The following STK3 variants were observed in gnomAD, a reference collection of about 807,000 sequenced individuals.
STK3 encodes the protein serine/threonine kinase 3.
A neutral mutation model predicts 58.0 loss-of-function variants in STK3; 41 were observed. The ratio of observed to expected loss-of-function variants is 0.71; its 90% CI spans 0.55 to 0.92. The LOEUF is 0.92. Among genes scored for constraint, STK3 ranks in the 40% least tolerant of loss-of-function variants. The pLI is 0.00. For synonymous variants in STK3, 170 were observed against 191.0 expected (o/e 0.89, Z 0.91); for missense variants, 479 against 602.7 (o/e 0.79, Z 2.15).
chr8:98,497,189 C>T (rs1229846506), intron 10 of STK3, among the ~76,000 whole-genome samples: 1 of 152,000 alleles, frequency 6.6e-6, no homozygotes, highest in Non-Finnish European at 1.5e-5. Context: ...ACCAAGATAA[C>T]TCAATGAGGG....
At chr8:98,684,804 T>A (rs1010409622) in intron 6 of STK3, among the ~76,000 whole-genome samples, 1 of 152,196 alleles carries the variant, frequency 6.6e-6, no homozygotes, top group African/African-American at 2.4e-5. Flanking sequence ...TAGATTCAAG[T>A]TGCAAATCAT....
intron 1 of STK3, among the ~76,000 whole-genome samples, chr8:98,446,628 G>A (rs1017148412): frequency 6.6e-5 from 10 of 152,266 alleles, no homozygotes; most frequent in Admixed American, 3.3e-4. Context: ...GTGAGGTTGC[G>A]GAGAAAAGGG....
At chr8:98,697,880 T>C (rs182538785) in intron 6 of STK3, among the ~76,000 whole-genome samples, 5,467 of 152,236 alleles carry the variant, frequency 0.036, 118 homozygotes, top group South Asian at 0.061. Context: ...CTATTAGGTC[T>C]GCTTGGTGCA....
intron 3 of STK3, among the ~76,000 whole-genome samples, chr8:98,758,781 T>C (rs1425174057): frequency 1.3e-5 from 2 of 152,250 alleles, no homozygotes; most frequent in Non-Finnish European, 2.9e-5. Context: ...CTCAGCTACA[T>C]CTTCTGGATA....
chr8:98,581,348 T>G (rs909612147), intron 7 of STK3, among the ~76,000 whole-genome samples: 2 of 152,184 alleles, frequency 1.3e-5, no homozygotes, highest in Non-Finnish European at 2.9e-5. Flanking sequence ...GTTGTTGGGT[T>G]CTTATTCCTG....
intron 1 of STK3, among the ~76,000 whole-genome samples, chr8:98,384,753 T>A (rs1366223624): frequency 6.6e-6 from 1 of 152,182 alleles, no homozygotes; most frequent in Non-Finnish European, 1.5e-5. Context: ...TGGCCCCATG[T>A]CTGCCACTTG....
chr8:98,661,078 T>C (rs1224093516), intron 6 of STK3, among the ~76,000 whole-genome samples: 4 of 152,062 alleles, frequency 2.6e-5, no homozygotes, highest in Non-Finnish European at 5.9e-5. Context: ...ACAGTATAAA[T>C]GTATTTTTTT....
chr8:98,375,076 C>CA (rs1481942004), intron 2 of STK3, among the ~76,000 whole-genome samples: 2 of 81,702 alleles, frequency 2.4e-5, no homozygotes, highest in Non-Finnish European at 5.8e-5. Context: ...CCTGTGTCTA[C>CA]AAAAAAACAA....
At chr8:98,551,642 A>G (rs1247972114) in intron 8 of STK3, among the ~76,000 whole-genome samples, 1 of 152,158 alleles carries the variant, frequency 6.6e-6, no homozygotes, top group Non-Finnish European at 1.5e-5. Flanking sequence ...CTACCCAGCA[A>G]CTGCCTATCC....
chr8:98,551,364 C>T (rs966447613), intron 8 of STK3, among the ~76,000 whole-genome samples: 1 of 152,128 alleles, frequency 6.6e-6, no homozygotes, highest in East Asian at 1.9e-4. Context: ...TCTTAGAGTA[C>T]CTCTGAATCC....
At chr8:98,470,605 T>C (rs1044551868) in intron 10 of STK3, among the ~76,000 whole-genome samples, 3 of 152,364 alleles carry the variant, frequency 2.0e-5, no homozygotes, top group South Asian at 2.1e-4. Context: ...ACTGAGGAAA[T>C]TGCAGATTCT....
intron 6 of STK3, among the ~76,000 whole-genome samples, chr8:98,653,240 C>T (rs953797378): frequency 3.9e-5 from 6 of 152,100 alleles, no homozygotes; most frequent in Non-Finnish European, 7.3e-5. Context: ...CTACTGGGTA[C>T]ATAACGAAAT....
chr8:98,403,378 G>C (rs999671969), intron 3 of STK3, among the ~76,000 whole-genome samples: 1 of 152,224 alleles, frequency 6.6e-6, no homozygotes, highest in African/African-American at 2.4e-5. Context: ...TCTGGTGCTG[G>C]TGTTTTAATT....
At chr8:98,722,290 C>T (rs762043957) in intron 4 of STK3, among the ~76,000 whole-genome samples, 4 of 152,116 alleles carry the variant, frequency 2.6e-5, no homozygotes, top group African/African-American at 7.2e-5. Flanking sequence ...TGTACCAAAA[C>T]GGAGACAAAT....
At chr8:98,918,079 C>T (rs574935394) in intron 1 of STK3, among the ~76,000 whole-genome samples, 3 of 152,288 alleles carry the variant, frequency 2.0e-5, no homozygotes, top group African/African-American at 7.2e-5. Context: ...ATAATAGTGC[C>T]TACTTCATAG....
intron 6 of STK3, among the ~76,000 whole-genome samples, chr8:98,704,669 T>C (rs931502124): frequency 2.6e-5 from 4 of 152,184 alleles, no homozygotes; most frequent in African/African-American, 9.6e-5. Flanking sequence ...TAATAATGTA[T>C]AATGTATTCA....
intron 6 of STK3, among the ~76,000 whole-genome samples, chr8:98,688,308 C>A (rs548958723): frequency 6.6e-6 from 1 of 152,206 alleles, no homozygotes; most frequent in Admixed American, 6.5e-5. Flanking sequence ...ATGTTGACAG[C>A]CACACAATAA....
chr8:98,850,217 C>T (rs1836399594), intron 3 of STK3, among the ~76,000 whole-genome samples: 1 of 152,118 alleles, frequency 6.6e-6, no homozygotes, highest in Non-Finnish European at 1.5e-5. Flanking sequence ...GGCTGTAGTG[C>T]AATGGCTATT....
At chr8:98,741,430 G>T (rs1427853681) in intron 4 of STK3, among the ~76,000 whole-genome samples, 1 of 152,112 alleles carries the variant, frequency 6.6e-6, no homozygotes, top group Admixed American at 6.6e-5. Context: ...TAGAACTCAG[G>T]ATTAAGACAC....
Sources: gnomAD v4.1 joint callset for allele counts (sites outside exome capture counted in the v4.1 genomes callset) on GRCh38, gnomAD v4.1.1 for gene constraint, MANE v1.5 for transcripts, NCBI Gene and HGNC (gene_info 2026-07-23, HGNC 2026-07-21) for gene names.